Variants in CARD10 observed in about 807,000 individuals in gnomAD.
CARD10 encodes the protein caspase recruitment domain family member 10.
CARD10 carries 49 observed loss-of-function variants against 114.6 expected under a neutral mutation model. The ratio of observed to expected loss-of-function variants is 0.43; its 90% confidence interval spans 0.34 to 0.54. CARD10 has a LOEUF of 0.54. CARD10 is among the 20% of genes least tolerant of loss of function. The pLI, the probability that CARD10 is intolerant of heterozygous loss-of-function variation, is 0.03. For synonymous variants in CARD10, 602 were observed against 593.2 expected (o/e 1.01, Z -0.21); for missense variants, 1,206 against 1,397.2 (o/e 0.86, Z 2.18).
At chr22:37,494,644 A>G in intron 15 of CARD10, 1 of 186,234 alleles carries the variant, frequency 5.4e-6, no homozygotes, top group South Asian at 9.8e-5. Flanking sequence ...TGCCTACAAC[A>G]TGACAGACAC....
chr22:37,500,675 G>A (rs1370515544), intron 11 of CARD10, among the ~76,000 whole-genome samples: 1 of 152,142 alleles, frequency 6.6e-6, no homozygotes, highest in Admixed American at 6.5e-5. Flanking sequence ...ACAGTGGGGA[G>A]GCACATCGGA....
rs143997223 is a variant in CARD10 at position 37,495,950 on chromosome 22, C to T, written c.2113G>A (p.Glu705Lys). The part of the protein sequence containing the change: ...LEAWAKGPGA[E>K]PFYIRANLTL... ...AGGTTGGCACGAATGTAGAAGGGCT[C>T]GGCACCTGGTCCCTTTGCCCAGGCT... Residue 705 changes from glutamate to lysine, a missense_variant, in exon 14 of 20, where the codon GAG becomes AAG. This residue lies in a region of CARD10 where 1,068 missense variants were observed against 1,179.1 expected (regional missense o/e 0.91). Coordinates refer to ENST00000251973, the MANE Select transcript of CARD10 (RefSeq NM_014550.4). 2,656 of 1,614,122 alleles carry T rather than the reference C, an allele frequency of 1.6e-3. 37 individuals are homozygous for T. In the South Asian group the frequency reaches 0.027, roughly 16 times the overall value.
In CARD10 at chr22:37,519,083, G is replaced by T. The variant is rs766788929; in HGVS notation, c.118C>A (p.Arg40Ser). 4 of 1,585,736 alleles carry T rather than the reference G, an allele frequency of 2.5e-6. No homozygotes were observed. Among genetic ancestry groups the T allele is most frequent in the East Asian group, 2.3e-5 (1 of 43,634 alleles). The stretch of plus-strand genomic sequence containing the variant: ...GTGAGCTTGGCCGGGTTCAGGGCGC[G>T]AGCCAGCCGATGCCGGACGCCCTCG... ...RIEGVRHRLA[R>S]ALNPAKLTPY... The change falls in exon 1 of 20, where the codon CGC becomes AGC. Residue 40 changes from arginine (R) to serine (S), a missense_variant. Arg to Ser is a moderately radical substitution (Grantham distance 110). Transcript: ENST00000251973. This position sits in a 1 kb window ranked among gnomAD's most constrained non-coding sequence, Gnocchi z 4.1.
chr22:37,497,303 C>T (rs955485850), intron 11 of CARD10, 125 bp from the exon 12 acceptor site: 3 of 936,250 alleles, frequency 3.2e-6, no homozygotes, highest in Non-Finnish European at 4.8e-6. Flanking sequence ...CCAGGCCTCT[C>T]CATCTTCTGT....
chr22:37,516,276 C>A lies in CARD10; in HGVS notation c.396G>T (p.Leu132=). 2 of 1,595,126 alleles carry A rather than the reference C, an allele frequency of 1.3e-6. No individual in the cohort carries two copies. Among genetic ancestry groups the A allele is most frequent in the South Asian group, 2.2e-5 (2 of 89,302 alleles). Residue 132 remains leucine (L), a synonymous_variant, in exon 3 of 20, where the codon CTG becomes CTT. Transcript: ENST00000251973. ...GCACCTCTGTCATCAAGAATTGGGT[C>A]AGGCCCTCAGGCCCCTCCTCATCTG... The part of the protein sequence containing the change: ...MILDEEGPEG[L]TQFLMTEVRR...
At chr22:37,518,163 C>T (rs1923905264) in intron 1 of CARD10, 55 bp from the exon 2 acceptor site, 1 of 1,579,796 alleles carries the variant, frequency 6.3e-7, no homozygotes, top group East Asian at 2.3e-5. Flanking sequence ...TCCCCAGGTG[C>T]CTGGTTGCTT....
intron 7 of CARD10, 21 bp downstream of exon 7, chr22:37,506,171 C>T: frequency 6.9e-7 from 1 of 1,458,920 alleles, no homozygotes; most frequent in Non-Finnish European, 9.1e-7. Context: ...GCCAGGACCT[C>T]CACAATCTTG....
chr22:37,493,222 C>T (rs1321081572), intron 16 of CARD10, among the ~76,000 whole-genome samples: 2 of 152,194 alleles, frequency 1.3e-5, no homozygotes, highest in Non-Finnish European at 2.9e-5. Context: ...CTGCGTCCAA[C>T]CACAGGGCCT....
rs998070657 is a variant in CARD10 at position 37,510,307 on chromosome 22, T to G, written c.814A>C (p.Lys272Gln). The G allele has an allele frequency of 1.1e-6, 1 of 923,332 alleles. No individual in the cohort carries two copies. The highest frequency in any genetic ancestry group is 3.8e-4 in the Middle Eastern group (1 of 2,624). The allele number at this position is 923,332 out of a possible 1,614,324, so 57.2% of individuals were successfully genotyped here. Residue 272 changes from lysine to glutamine, a missense_variant, in exon 4 of 20, where the codon AAG becomes CAG. Physicochemically the swap from Lys to Gln is moderately conservative, Grantham distance 53 (BLOSUM62 1). Transcript: ENST00000251973. ...ACAAGGTCCACATTGTCTGGCTCCT[T>G]CTCCTTCTCCTTCTCCTTCTCCTTC... ...EEKEKEKEKEKEPDNVDLVSE... is the reference protein window; with the variant it reads ...EEKEKEKEKEQEPDNVDLVSE...
At chr22:37,509,642 G>C (rs760722) in intron 4 of CARD10, among the ~76,000 whole-genome samples, 46,554 of 116,028 alleles carry the variant, frequency 0.4, 7,888 homozygotes, top group African/African-American at 0.54. Context: ...TGACCTCCCC[G>C]CAGCCTGTGC....
Position 37,516,065 on chromosome 22 carries a change from T to C in CARD10, c.607A>G (p.Lys203Glu). The change falls in exon 3 of 20, where the codon AAG becomes GAG. Residue 203 changes from lysine to glutamate, a missense_variant. Physicochemically the swap from Lys to Glu is moderately conservative, Grantham distance 56 (BLOSUM62 1). Coordinates refer to ENST00000251973, the MANE Select transcript of CARD10 (RefSeq NM_014550.4). Reference sequence around the variant, plus strand: ...ATGGCGATCATGTAGTTCTCATCCTTGAGCCGCAGCAGCTCCAGGCTGCCC... The same window carrying C: ...ATGGCGATCATGTAGTTCTCATCCTCGAGCCGCAGCAGCTCCAGGCTGCCC... ...EAGSLELLRL[K>E]DENYMIAMRL... 6.2e-7 allele frequency: 1 copy of C among 1,600,414 alleles called. No homozygotes were observed. Among genetic ancestry groups the C allele is most frequent in the Non-Finnish European group, 8.5e-7 (1 of 1,174,114 alleles).
chr22:37,499,574 C>G (rs1193183685), intron 11 of CARD10, among the ~76,000 whole-genome samples: 2 of 151,946 alleles, frequency 1.3e-5, no homozygotes, highest in Non-Finnish European at 2.9e-5. Flanking sequence ...CAAGGCTGAC[C>G]TCAGCTTTCA....
intron 5 of CARD10, 107 bp from the exon 6 acceptor site, chr22:37,508,061 G>T: frequency 7.2e-7 from 1 of 1,390,860 alleles, no homozygotes; most frequent in South Asian, 1.3e-5. Flanking sequence ...AACAGTCTGA[G>T]ACCCAATAAC....
At position 37,504,110 on chromosome 22, in the gene CARD10, G is replaced by A. The variant is rs781425081; in HGVS notation, c.1634+76C>T. On this transcript the variant is annotated intron_variant, in intron 9 of 19. Coordinates refer to ENST00000251973, the MANE Select transcript of CARD10 (RefSeq NM_014550.4). Reference sequence around the variant, plus strand: ...GCCTGGACCTGACTTTGGCATTGCAGATTCTGGGAGGTGGCTGTTCGGGAA... The same window carrying A: ...GCCTGGACCTGACTTTGGCATTGCAAATTCTGGGAGGTGGCTGTTCGGGAA... The A allele has an allele frequency of 4.8e-6, 5 of 1,051,750 alleles. No individual in the cohort carries two copies. In the African/African-American group the frequency reaches 6.3e-5, roughly 13 times the overall value. 65.2% of individuals were successfully genotyped at this position (1,051,750 alleles called of 1,614,324 possible). A position where few individuals can be genotyped will look rare whatever the true frequency, so the allele number is the denominator to read the frequency against.
At chr22:37,495,485 C>A (rs1922964942) in intron 15 of CARD10, 32 bp downstream of exon 15, 2 of 1,581,418 alleles carry the variant, frequency 1.3e-6, no homozygotes, top group Non-Finnish European at 1.7e-6. Context: ...CCCTTGGGGC[C>A]CCCCACCCAC....
At chr22:37,493,018 C>G (rs1922863544) in intron 16 of CARD10, among the ~76,000 whole-genome samples, 1 of 152,100 alleles carries the variant, frequency 6.6e-6, no homozygotes, top group East Asian at 1.9e-4. Context: ...GGGTCATTCT[C>G]CATCCAGCAG....
chr22:37,496,590 G>T lies in CARD10; in HGVS notation c.1948-30C>A. The T allele has an allele frequency of 6.5e-7, 1 of 1,527,370 alleles. No homozygotes were observed. The highest frequency in any genetic ancestry group is 9.0e-7 in the Non-Finnish European group (1 of 1,105,546). The allele number at this position is 1,527,370 out of a possible 1,614,324, so 94.6% of individuals were successfully genotyped here. On this transcript the variant is annotated intron_variant, in intron 12 of 19. Transcript: ENST00000251973. The surrounding 1 kb of genome is among the most constrained non-coding windows in gnomAD (Gnocchi z 4.1). ...GAGAAAACCCAGGCAGGGAGGGAAA[G>T]AAGTGAGCCTCTGAGAGTAGAGCAG... is the stretch of plus-strand genomic sequence containing the variant.
At chr22:37,514,806 A>C (rs1923780985) in intron 3 of CARD10, 1 of 152,334 alleles carries the variant, frequency 6.6e-6, no homozygotes, top group East Asian at 1.9e-4. Flanking sequence ...CTGCACTGCT[A>C]AGCCCTTGAC....
rs79259095 is a variant in CARD10 at position 37,510,442 on chromosome 22, C to G, written c.700-21G>C. On this transcript the variant is annotated intron_variant, in intron 3 of 19. Coordinates refer to ENST00000251973, the MANE Select transcript of CARD10 (RefSeq NM_014550.4). Reference sequence around the variant, plus strand: ...TCCACCTGGAGCCCAAGACATGGGTCAGCCCAGAGGGAGACACACTGGGAG... The same window carrying G: ...TCCACCTGGAGCCCAAGACATGGGTGAGCCCAGAGGGAGACACACTGGGAG... 36 of 1,611,270 alleles carry G rather than the reference C, an allele frequency of 2.2e-5. No homozygotes were observed. The African/African-American group carries it at 4.3e-4, about 19-fold the overall frequency.
Sources: allele counts gnomAD v4.1 joint callset (sites outside exome capture counted in the v4.1 genomes callset), GRCh38; gene constraint gnomAD v4.1.1; regional missense constraint gnomAD v4.1.1; non-coding constraint Gnocchi (gnomAD v3.1); transcripts MANE v1.5; gene names NCBI Gene and HGNC (gene_info 2026-07-23, HGNC 2026-07-21).